UBIAD1: variants seen among roughly 807,000 people sequenced by gnomAD.
The protein encoded by UBIAD1 is ubiA prenyltransferase domain-containing protein 1.
UBIAD1 carries 12 observed loss-of-function variants against 20.1 expected under a neutral mutation model. The ratio of observed to expected loss-of-function variants is 0.60; its 90% CI spans 0.38 to 0.97. The LOEUF (loss-of-function observed/expected upper bound fraction) is 0.97, where lower values mean the gene tolerates loss of function less well. Ranked by LOEUF, UBIAD1 falls within the 50% of genes least tolerant of loss-of-function variation. The pLI, the probability that UBIAD1 is intolerant of heterozygous loss-of-function variation, is 0.00. For missense variants in UBIAD1, 333 were observed against 419.5 expected (o/e 0.79, Z 1.80); for synonymous variants, 207 against 189.2 (o/e 1.09, Z -0.77).
chr1:11,275,984 G>A (rs113364710), intron 1 of UBIAD1, among the ~76,000 whole-genome samples: 9 of 152,250 alleles, frequency 5.9e-5, no homozygotes, highest in Admixed American at 3.3e-4. Context: ...GCACACACAC[G>A]GATTATATAG....
chr1:11,274,218 G>A (rs1651908312), intron 1 of UBIAD1, among the ~76,000 whole-genome samples, 158 bp downstream of exon 1: 1 of 152,232 alleles, frequency 6.6e-6, no homozygotes, highest in Non-Finnish European at 1.5e-5. Context: ...TTTTGAAACA[G>A]TGATTTGAGA....
rs1651834102 is a variant in UBIAD1 at position 11,273,203 on chromosome 1, C to G, written c.-329C>G. ...AGCCCGCGCCGCCGGCACCTGTTTC[C>G]GGGCGGGCCTCCAGAGGCCGGCGCA... On this transcript the variant is annotated 5_prime_UTR_variant, in exon 1 of 2. Transcript: ENST00000376810. The surrounding 1 kb of genome is among the most constrained non-coding windows in gnomAD (Gnocchi z 4.9). The G allele has an allele frequency of 3.3e-6, 1 of 302,462 alleles. No homozygotes were observed. The highest frequency in any genetic ancestry group is 1.2e-3 in the Middle Eastern group (1 of 858). The allele number at this position is 302,462 out of a possible 1,614,324, so 18.7% of individuals were successfully genotyped here.
downstream of UBIAD1, among the ~76,000 whole-genome samples, chr1:11,298,124 T>A (rs1490062376): frequency 1.3e-5 from 2 of 152,038 alleles, no homozygotes; most frequent in Non-Finnish European, 2.9e-5. This position sits in a 1 kb window ranked among gnomAD's most constrained non-coding sequence, Gnocchi z 4.0. Context: ...CATGCCCAGC[T>A]AATTTTGTAT....
chr1:11,286,533 G>A lies in UBIAD1; in HGVS notation c.*402G>A, dbSNP rs922349422. On this transcript the variant is annotated 3_prime_UTR_variant, in exon 2 of 2. Transcript: ENST00000376810. ...GAAAAGACCCTAATAACTAGGCAGA[G>A]TGTTGTCCTGCTTTCTTCGTCTCGT... 3.2e-6 allele frequency: 1 copy of A among 311,626 alleles called. No homozygotes were observed. The highest frequency in any genetic ancestry group is 2.2e-5 in the African/African-American group (1 of 45,646). The allele number at this position is 311,626 out of a possible 1,614,324, so 19.3% of individuals were successfully genotyped here.
At chr1:11,274,902 C>G (rs1651952587) in intron 1 of UBIAD1, among the ~76,000 whole-genome samples, 1 of 152,214 alleles carries the variant, frequency 6.6e-6, no homozygotes, top group Non-Finnish European at 1.5e-5. Flanking sequence ...GCCACCATGC[C>G]CGGCCTATAT....
At position 11,273,405 on chromosome 1, in the gene UBIAD1, C is replaced by T; in HGVS notation, c.-127C>T. ...TTGCCCCCGGACCTTGCCGCCACAC[C>T]AGCCCTGTCCTGGGGCGGAACCGAA... is the stretch of plus-strand genomic sequence containing the variant. On this transcript the variant is annotated 5_prime_UTR_variant, in exon 1 of 2. Transcript: ENST00000376810. This position sits in a 1 kb window ranked among gnomAD's most constrained non-coding sequence, Gnocchi z 4.9. The T allele has an allele frequency of 8.0e-7, 1 of 1,243,268 alleles. No homozygotes were observed. The highest frequency in any genetic ancestry group is 1.1e-6 in the Non-Finnish European group (1 of 878,412). 77.0% of individuals were successfully genotyped at this position (1,243,268 alleles called of 1,614,324 possible). A position where few individuals can be genotyped will look rare whatever the true frequency, so the allele number is the denominator to read the frequency against.
chr1:11,283,263 C>T (rs1359474867), intron 1 of UBIAD1, among the ~76,000 whole-genome samples: 1 of 152,182 alleles, frequency 6.6e-6, no homozygotes, highest in Admixed American at 6.5e-5. Context: ...ACAGCCAGAC[C>T]AGTGGCGTCA....
chr1:11,290,335 C>T (rs1557522128), downstream of UBIAD1, among the ~76,000 whole-genome samples: 1 of 152,218 alleles, frequency 6.6e-6, no homozygotes, highest in African/African-American at 2.4e-5. Context: ...GGTCACCTCT[C>T]TGCTACTGGA....
chr1:11,296,616 C>T (rs1286005418), downstream of UBIAD1, among the ~76,000 whole-genome samples: 1 of 152,240 alleles, frequency 6.6e-6, no homozygotes, highest in African/African-American at 2.4e-5. Flanking sequence ...CCTCCCTGGG[C>T]TCAGGTGATC....
chr1:11,275,512 G>A (rs571145512), intron 1 of UBIAD1, among the ~76,000 whole-genome samples: 3 of 152,266 alleles, frequency 2.0e-5, no homozygotes, highest in East Asian at 1.9e-4. Context: ...AGGCTGAAGC[G>A]AGAGGATCGC....
chr1:11,276,380 T>G (rs1032214567), intron 1 of UBIAD1, among the ~76,000 whole-genome samples: 1 of 152,030 alleles, frequency 6.6e-6, no homozygotes, highest in African/African-American at 2.4e-5. Context: ...AGACTAACTT[T>G]GGGCTGGGTG....
chr1:11,294,063 G>A lies in UBIAD1; in HGVS notation c.530-810G>A, dbSNP rs141348755. Among the ~76,000 whole-genome samples, 91 of 152,310 alleles carry A rather than the reference G, an allele frequency of 6.0e-4. 1 individual carries two copies. The East Asian group carries it at 0.016, about 27-fold the overall frequency. On this transcript the variant is annotated intron_variant, in intron 1 of 1. Coordinates refer to the UBIAD1 transcript ENST00000376804. Reference sequence around the variant, plus strand: ...ATAAATAAACGTTGGATGACTGGCCGAGGGAATGGCAGTAATAAAGCTGTC... The same window carrying A: ...ATAAATAAACGTTGGATGACTGGCCAAGGGAATGGCAGTAATAAAGCTGTC...
intron 1 of UBIAD1, among the ~76,000 whole-genome samples, chr1:11,275,273 G>A (rs369309005): frequency 1.3e-5 from 2 of 152,192 alleles, no homozygotes; most frequent in African/African-American, 2.4e-5. Flanking sequence ...GGACTAAGTC[G>A]GATGTGCGAC....
rs139134868 is a variant in UBIAD1 at position 11,284,946 on chromosome 1, A to T, written c.530-698A>T. On this transcript the variant is annotated intron_variant, in intron 1 of 1. Transcript: ENST00000376810. ...AGGGGGATGGAGGGTGGCCCCGGGG[A>T]TGGAGAGAATGGATAGTTTTGAAGG... is the stretch of plus-strand genomic sequence containing the variant. 7.8e-3 allele frequency among the ~76,000 whole-genome samples: 1,181 copies of T among 152,168 alleles called. 21 individuals are homozygous for T. Among genetic ancestry groups the T allele is most frequent in the African/African-American group, 0.026 (1,080 of 41,486 alleles).
chr1:11,286,043 A>G lies in UBIAD1; in HGVS notation c.929A>G (p.Gln310Arg). The G allele has an allele frequency of 6.2e-7, 1 of 1,614,150 alleles. No individual in the cohort carries two copies. Among genetic ancestry groups the G allele is most frequent in the Non-Finnish European group, 8.5e-7 (1 of 1,179,994 alleles). Residue 310 changes from glutamine to arginine, a missense_variant, in exon 2 of 2, where the codon CAG becomes CGG. Gln to Arg is a conservative substitution (Grantham distance 43). Around this residue, in one of 3 missense-constraint regions of UBIAD1, gnomAD observed 226 missense variants for 263.5 expected, o/e 0.86. Transcript: ENST00000376810. ...AGCCAGGCCTTCAACAAACTGCCCC[A>G]GAGGACTGCCAAGCTCAACCTCCTG... ...FRSQAFNKLP[Q>R]RTAKLNLLLG...
chr1:11,285,831 C>T lies in UBIAD1; in HGVS notation c.717C>T (p.Ser239=), dbSNP rs759223200. Residue 239 remains serine (S), a synonymous_variant, in exon 2 of 2, where the codon TCC becomes TCT. Transcript: ENST00000376810. The surrounding 1 kb of genome is among the most constrained non-coding windows in gnomAD (Gnocchi z 4.4). ...LHSNNTRDME[S]DREAGIVTLA... ...CCAACAACACCAGGGACATGGAGTC[C>T]GACCGGGAGGCTGGTATCGTCACGC... 17 of 1,614,036 alleles carry T rather than the reference C, an allele frequency of 1.1e-5. No individual in the cohort carries two copies. The highest frequency in any genetic ancestry group is 5.0e-5 in the Admixed American group (3 of 60,004).
chr1:11,285,508 G>C lies in UBIAD1; in HGVS notation c.530-136G>C. On this transcript the variant is annotated intron_variant, in intron 1 of 1. Coordinates refer to ENST00000376810, the MANE Select transcript of UBIAD1 (RefSeq NM_013319.3). The surrounding 1 kb of genome is among the most constrained non-coding windows in gnomAD (Gnocchi z 4.4). ...CAGAATTTGCTCTGTGGGGTTAAGG[G>C]ATGAAATGAGTGCCCACCTGCACAG... 7.5e-7 allele frequency: 1 copy of C among 1,337,028 alleles called. No individual in the cohort carries two copies. Among genetic ancestry groups the C allele is most frequent in the South Asian group, 1.2e-5 (1 of 81,198 alleles). 82.8% of individuals were successfully genotyped at this position (1,337,028 alleles called of 1,614,324 possible).
At chr1:11,294,594 C>T (rs1638419385) in intron 1 of UBIAD1, among the ~76,000 whole-genome samples, 1 of 152,168 alleles carries the variant, frequency 6.6e-6, no homozygotes, top group Non-Finnish European at 1.5e-5. Context: ...GCCAGTGCCA[C>T]AGAGGTGGTT....
rs1651866249 is a variant in UBIAD1 at position 11,273,580 on chromosome 1, G to A, written c.49G>A (p.Glu17Lys). ...GGAGAAGATTAACATCCTGTCGGGA[G>A]AGACTGTCAAAGCTGGGGACAGGGA... ...LGEKINILSG[E>K]TVKAGDRDPL... Residue 17 changes from glutamate to lysine, a missense_variant, in exon 1 of 2, where the codon GAG becomes AAG. Coordinates refer to ENST00000376810, the MANE Select transcript of UBIAD1 (RefSeq NM_013319.3). The surrounding 1 kb of genome is among the most constrained non-coding windows in gnomAD (Gnocchi z 4.9). 2 of 1,613,696 alleles carry A rather than the reference G, an allele frequency of 1.2e-6. No individual in the cohort carries two copies. The highest frequency in any genetic ancestry group is 1.7e-6 in the Non-Finnish European group (2 of 1,180,048).
Sources: gnomAD v4.1 joint callset for allele counts (sites outside exome capture counted in the v4.1 genomes callset) on GRCh38, gnomAD v4.1.1 for gene constraint, gnomAD v4.1.1 regional missense constraint, Gnocchi (gnomAD v3.1) non-coding constraint, MANE v1.5 for transcripts, NCBI Gene and HGNC (gene_info 2026-07-23, HGNC 2026-07-21) for gene names.